The following VTI1A variants were observed in gnomAD, a reference collection of about 807,000 sequenced individuals.
VTI1A encodes the protein vesicle transport through interaction with t-SNAREs homolog 1A.
VTI1A carries 22 observed loss-of-function variants against 34.9 expected under a neutral mutation model. That is an observed-to-expected ratio of 0.63 (90% CI 0.45 to 0.90). The LOEUF (loss-of-function observed/expected upper bound fraction) is 0.90, where lower values mean the gene tolerates loss of function less well. VTI1A is among the 40% of genes least tolerant of loss of function. The probability of loss-of-function intolerance (pLI) is 0.00; values close to 1 mark genes in which losing one functional copy is unlikely to be tolerated. For missense variants in VTI1A, 268 were observed against 275.6 expected, an observed-to-expected ratio of 0.97 and a Z score of 0.20; for synonymous variants, 87 against 97.3, an observed-to-expected ratio of 0.89 and a Z score of 0.62.
intron 5 of VTI1A, among the ~76,000 whole-genome samples, chr10:112,578,967 G>C (rs531536337): frequency 1.3e-5 from 2 of 152,338 alleles, no homozygotes; most frequent in Non-Finnish European, 2.9e-5. Flanking sequence ...CAGCAGAAAA[G>C]TGTAAGTTTC....
At chr10:112,593,032 T>C (rs549424141) in intron 5 of VTI1A, among the ~76,000 whole-genome samples, 51 of 152,314 alleles carry the variant, frequency 3.3e-4, no homozygotes, top group African/African-American at 1.2e-3. Flanking sequence ...TACTTTCAAA[T>C]AGATACTAAA....
intron 7 of VTI1A, among the ~76,000 whole-genome samples, chr10:112,763,951 C>A (rs540304904): frequency 2.4e-4 from 37 of 152,174 alleles, no homozygotes; most frequent in Middle Eastern, 3.2e-3. Flanking sequence ...CCAGAGCACC[C>A]TCTCCAGAAA....
At chr10:112,509,020 A>G (rs1275505066) in intron 3 of VTI1A, among the ~76,000 whole-genome samples, 1 of 152,230 alleles carries the variant, frequency 6.6e-6, no homozygotes, top group African/African-American at 2.4e-5. Context: ...AGGTTGGGTC[A>G]TAACTGGGAT....
chr10:112,796,217 G>A (rs1370631186), intron 7 of VTI1A, among the ~76,000 whole-genome samples: 1 of 152,000 alleles, frequency 6.6e-6, no homozygotes, highest in African/African-American at 2.4e-5. Flanking sequence ...TGGCCAACAC[G>A]ATGAAACCCT....
intron 7 of VTI1A, among the ~76,000 whole-genome samples, chr10:112,678,771 CAA>C (rs1379665695): frequency 6.6e-6 from 1 of 152,150 alleles, no homozygotes; most frequent in Non-Finnish European, 1.5e-5. Flanking sequence ...CTACCCAGAT[CAA>C]AAGTCAAACA....
chr10:112,851,338 G>A, the VTI1A span, among the ~76,000 whole-genome samples: 1 of 152,186 alleles, frequency 6.6e-6, no homozygotes, highest in Admixed American at 6.5e-5. Flanking sequence ...CTTCCAACTA[G>A]ACAATGTGCT....
chr10:112,774,273 G>T (rs541752301), intron 7 of VTI1A, among the ~76,000 whole-genome samples: 1 of 152,188 alleles, frequency 6.6e-6, no homozygotes, highest in Non-Finnish European at 1.5e-5. Context: ...AGACACAAAG[G>T]CATCTGTGTT....
At chr10:112,811,067 G>A (rs982392161) in intron 7 of VTI1A, among the ~76,000 whole-genome samples, 7 of 152,184 alleles carry the variant, frequency 4.6e-5, no homozygotes, top group Non-Finnish European at 7.4e-5. Context: ...GGACGGTAGC[G>A]TTATCACTCA....
At chr10:112,839,384 G>A in the VTI1A span, among the ~76,000 whole-genome samples, 13 of 152,282 alleles carry the variant, frequency 8.5e-5, no homozygotes, top group East Asian at 3.9e-4. Flanking sequence ...GCTGAGTCCC[G>A]AAAAATGCTG....
At chr10:112,469,916 T>C (rs1848022604) in intron 3 of VTI1A, among the ~76,000 whole-genome samples, 1 of 152,234 alleles carries the variant, frequency 6.6e-6, no homozygotes, top group African/African-American at 2.4e-5. Context: ...CTCCAGTGTC[T>C]GCCTCCTAAG....
intron 2 of VTI1A, among the ~76,000 whole-genome samples, chr10:112,463,154 A>G (rs1189167597): frequency 6.6e-6 from 1 of 151,946 alleles, no homozygotes; most frequent in Non-Finnish European, 1.5e-5. Flanking sequence ...CAAACTCCTG[A>G]CCTCAGGTGA....
intron 7 of VTI1A, among the ~76,000 whole-genome samples, chr10:112,814,266 C>T (rs1853429302): frequency 6.6e-6 from 1 of 152,106 alleles, no homozygotes; most frequent in Non-Finnish European, 1.5e-5. Context: ...GGCAGCAGGC[C>T]TTTTGCTGCT....
intron 5 of VTI1A, among the ~76,000 whole-genome samples, chr10:112,573,133 G>A (rs1387757634): frequency 1.3e-5 from 2 of 152,102 alleles, no homozygotes; most frequent in Non-Finnish European, 2.9e-5. Context: ...AATTGTTGCT[G>A]AGCTTAAGGA....
intron 4 of VTI1A, among the ~76,000 whole-genome samples, chr10:112,530,959 TAATA>T (rs1174449726): frequency 1.3e-5 from 2 of 152,018 alleles, no homozygotes; most frequent in East Asian, 3.9e-4. Context: ...AAAGGGCGTT[TAATA>T]GAGTTCAGCA....
In VTI1A at chr10:112,699,268, C is replaced by T. The variant is rs569018187; in HGVS notation, c.560+30270C>T. Among the ~76,000 whole-genome samples the T allele has an allele frequency of 1.2e-4, 19 of 152,300 alleles. No homozygotes were observed. In the East Asian group the frequency reaches 1.9e-3, roughly 15 times the overall value. ...GGCTGCTATAACAGAATTCCACAGA[C>T]GGTGTGGCTTAAGCAAGGGACATTT... On this transcript the variant is annotated intron_variant, in intron 7 of 7. Transcript: ENST00000393077.
intron 3 of VTI1A, among the ~76,000 whole-genome samples, chr10:112,493,199 A>G (rs1396749495): frequency 6.6e-6 from 1 of 151,996 alleles, no homozygotes; most frequent in Non-Finnish European, 1.5e-5. Context: ...TGTGAAATTT[A>G]TTTCTAAATA....
chr10:112,574,618 A>C (rs1355970590), intron 5 of VTI1A, among the ~76,000 whole-genome samples: 1 of 152,216 alleles, frequency 6.6e-6, no homozygotes, highest in Non-Finnish European at 1.5e-5. Context: ...ATAGTAGCTT[A>C]ATAAGACCTT....
At chr10:112,854,634 G>A in the VTI1A span, among the ~76,000 whole-genome samples, 2 of 152,192 alleles carry the variant, frequency 1.3e-5, no homozygotes, top group Non-Finnish European at 2.9e-5. Context: ...GAAAGATGGA[G>A]GACACTATAC....
chr10:112,571,347 A>C (rs1163413613), intron 5 of VTI1A, among the ~76,000 whole-genome samples: 5 of 152,238 alleles, frequency 3.3e-5, no homozygotes, highest in Admixed American at 2.0e-4. Flanking sequence ...ATAGGAGACA[A>C]CACTAGCCTT....
Sources: allele counts gnomAD v4.1 joint callset (sites outside exome capture counted in the v4.1 genomes callset), GRCh38; gene constraint gnomAD v4.1.1; transcripts MANE v1.5; gene names NCBI Gene and HGNC (gene_info 2026-07-23, HGNC 2026-07-21).